FAAH2: variants seen among roughly 807,000 people sequenced by gnomAD.
The protein encoded by FAAH2 is fatty acid amide hydrolase 2, also known as fatty-acid amide hydrolase 2.
In FAAH2, 60 loss-of-function variants were observed where a neutral mutation model predicts 36.9. That is an observed-to-expected ratio of 1.63 (90% CI 1.32 to 2.02). The LOEUF (loss-of-function observed/expected upper bound fraction) is 2.02. Among genes scored for constraint, FAAH2 ranks in the 30% most tolerant of loss-of-function variants. The pLI, the probability that FAAH2 is intolerant of heterozygous loss-of-function variation, is 0.00. For missense variants in FAAH2, 689 were observed against 397.5 expected (o/e 1.73, Z -6.23); for synonymous variants, 214 against 143.8 (o/e 1.49, Z -3.49).
chrX:57,453,122 C>A (rs949450059), intron 10 of FAAH2, among the ~76,000 whole-genome samples: 1 of 111,690 alleles, frequency 9.0e-6, no homozygotes, highest in African/African-American at 3.3e-5. Context: ...GCTCTTCAAC[C>A]CTGCCCAAGA....
chrX:57,459,385 G>T (rs1201067490), intron 10 of FAAH2, among the ~76,000 whole-genome samples: 1 of 112,182 alleles, frequency 8.9e-6, no homozygotes, highest in Non-Finnish European at 1.9e-5. Context: ...GGGGGGAAAG[G>T]GTGGCTGTGG....
the FAAH2 span, among the ~76,000 whole-genome samples, chrX:57,175,033 A>G: frequency 9.0e-6 from 1 of 111,507 alleles, no homozygotes; most frequent in Non-Finnish European, 1.9e-5. Flanking sequence ...ATGTGTGGTG[A>G]TAATGTATTT....
chrX:57,215,110 CA>C, the FAAH2 span, among the ~76,000 whole-genome samples: 52 of 78,162 alleles, frequency 6.7e-4, 1 homozygote, highest in South Asian at 8.7e-3. Context: ...AACAAACTTA[CA>C]AAAAAAAAAA....
the FAAH2 span, among the ~76,000 whole-genome samples, chrX:57,123,662 CTGT>C: frequency 1.8e-5 from 2 of 112,141 alleles, no homozygotes; most frequent in Non-Finnish European, 3.8e-5. Context: ...TCTCCAGCAC[CTGT>C]TGTTTCCTTA....
At position 57,338,945 on chromosome X, in the gene FAAH2, C is replaced by T. The variant is rs921139230; in HGVS notation, c.623-2326C>T. Among the ~76,000 whole-genome samples the T allele has an allele frequency of 1.3e-4, 14 of 111,277 alleles. No individual in the cohort carries two copies. In the East Asian group the frequency reaches 2.0e-3, roughly 16 times the overall value. ...ATTCACGTGGAGACAAAAAAGAGCC[C>T]GAGTAGCCAAGACAATCCTAAGCAA... On this transcript the variant is annotated intron_variant, in intron 4 of 10. Coordinates refer to ENST00000374900, the MANE Select transcript of FAAH2 (RefSeq NM_174912.4).
chrX:57,325,605 A>G (rs1199266384), intron 3 of FAAH2, among the ~76,000 whole-genome samples: 3 of 104,327 alleles, frequency 2.9e-5, no homozygotes, highest in African/African-American at 1.1e-4. Context: ...CGTTTCTTCT[A>G]GATTTTCTAG....
intron 3 of FAAH2, among the ~76,000 whole-genome samples, chrX:57,321,614 T>C (rs1394181475): frequency 9.0e-6 from 1 of 110,794 alleles, no homozygotes; most frequent in Non-Finnish European, 1.9e-5. Flanking sequence ...TTTTTCTCAA[T>C]TTTTAAAATT....
At chrX:57,333,320 A>G (rs1371833286) in intron 4 of FAAH2, among the ~76,000 whole-genome samples, 1 of 111,586 alleles carries the variant, frequency 9.0e-6, no homozygotes, top group Non-Finnish European at 1.9e-5. Context: ...TAAAGGCCAA[A>G]TACCCCCAGT....
At chrX:57,467,642 C>A (rs2057076160) in intron 10 of FAAH2, among the ~76,000 whole-genome samples, 1 of 111,931 alleles carries the variant, frequency 8.9e-6, no homozygotes, top group Non-Finnish European at 1.9e-5. Flanking sequence ...CTCAAGGAGG[C>A]CTGCCTGACT....
At chrX:57,210,470 T>C in the FAAH2 span, among the ~76,000 whole-genome samples, 5 of 111,935 alleles carry the variant, frequency 4.5e-5, no homozygotes, top group African/African-American at 1.3e-4. Context: ...TTCAAAACAA[T>C]GCAATGCAAT....
At chrX:57,250,353 AATAG>A in the FAAH2 span, among the ~76,000 whole-genome samples, 119 of 111,905 alleles carry the variant, frequency 1.1e-3, no homozygotes, top group African/African-American at 3.6e-3. Context: ...GTAAGAATAA[AATAG>A]ATAGGAATAA....
At chrX:57,242,512 G>C in the FAAH2 span, among the ~76,000 whole-genome samples, 4 of 112,289 alleles carry the variant, frequency 3.6e-5, no homozygotes. Context: ...CTCCCAGCAA[G>C]GTCAACACAA....
chrX:57,412,301 C>T (rs1271995707), intron 7 of FAAH2, among the ~76,000 whole-genome samples: 1 of 111,268 alleles, frequency 9.0e-6, no homozygotes, highest in Non-Finnish European at 1.9e-5. Context: ...TATACACATG[C>T]CATGGTGGTT....
intron 10 of FAAH2, among the ~76,000 whole-genome samples, chrX:57,457,632 A>G (rs2056884051): frequency 9.3e-6 from 1 of 107,337 alleles, no homozygotes; most frequent in African/African-American, 3.4e-5. Flanking sequence ...AAATCCTAAC[A>G]TTTTTATACA....
intron 7 of FAAH2, among the ~76,000 whole-genome samples, chrX:57,384,333 T>C (rs923529050): frequency 2.0e-5 from 2 of 101,860 alleles, no homozygotes; most frequent in Non-Finnish European, 4.1e-5. Context: ...TGGGATCTAA[T>C]TAAACTCAAG....
the FAAH2 span, among the ~76,000 whole-genome samples, chrX:57,191,677 G>A: frequency 8.9e-6 from 1 of 111,959 alleles, no homozygotes; most frequent in Admixed American, 9.5e-5. Flanking sequence ...GTAAGAGATA[G>A]GGTTCTAGTT....
the FAAH2 span, among the ~76,000 whole-genome samples, chrX:57,211,328 A>T: frequency 1.8e-5 from 2 of 111,140 alleles, no homozygotes; most frequent in Non-Finnish European, 3.8e-5. Flanking sequence ...TCGTCTCTGG[A>T]ACACTACTAA....
chrX:57,376,092 T>G (rs1469568360), intron 5 of FAAH2, among the ~76,000 whole-genome samples: 2 of 111,601 alleles, frequency 1.8e-5, no homozygotes, highest in Non-Finnish European at 3.8e-5. Flanking sequence ...TTAATCCTTG[T>G]GTCTATATCT....
chrX:57,328,009 G>A (rs1462330296), intron 3 of FAAH2, among the ~76,000 whole-genome samples: 1 of 111,590 alleles, frequency 9.0e-6, no homozygotes, highest in Non-Finnish European at 1.9e-5. Context: ...ATGTACAGAT[G>A]GGTTTTTGGT....
Sources: allele counts gnomAD v4.1 joint callset (sites outside exome capture counted in the v4.1 genomes callset), GRCh38; gene constraint gnomAD v4.1.1; transcripts MANE v1.5; gene names NCBI Gene and HGNC (gene_info 2026-07-23, HGNC 2026-07-21).